The following DCHS2 variants were observed in gnomAD, a reference collection of about 807,000 sequenced individuals.
DCHS2 encodes protocadherin-23.
Under a neutral mutation model 182.4 loss-of-function variants are expected in DCHS2, and 142 were observed. The ratio of observed to expected loss-of-function variants is 0.78; its 90% CI spans 0.68 to 0.89. The LOEUF (loss-of-function observed/expected upper bound fraction) is 0.89. Ranked by LOEUF, DCHS2 falls within the 40% of genes least tolerant of loss-of-function variation. The pLI, the probability that DCHS2 is intolerant of heterozygous loss-of-function variation, is 0.00. For missense variants in DCHS2, 4,319 were observed against 4,198.6 expected, an observed-to-expected ratio of 1.03 and a Z score of -0.79; for synonymous variants, 1,740 against 1,663.3, an observed-to-expected ratio of 1.05 and a Z score of -1.12.
At chr4:154,435,659 G>A (rs1385826927) in intron 1 of DCHS2, among the ~76,000 whole-genome samples, 1 of 151,172 alleles carries the variant, frequency 6.6e-6, no homozygotes, top group Non-Finnish European at 1.5e-5. Flanking sequence ...GAATACCTCT[G>A]GCCAATAAAA....
intron 3 of DCHS2, chr4:154,343,547 T>A: frequency 6.5e-7 from 1 of 1,527,534 alleles, no homozygotes; most frequent in Non-Finnish European, 8.8e-7. Flanking sequence ...CATCTTGCAC[T>A]TTTAGGTAAT....
chr4:154,331,730 GCTT>G (rs1300924658), intron 5 of DCHS2: 1 of 1,606,260 alleles, frequency 6.2e-7, no homozygotes, highest in Non-Finnish European at 8.5e-7. Context: ...CAAAAAGGGA[GCTT>G]CTTCTCATCT....
intron 7 of DCHS2, among the ~76,000 whole-genome samples, chr4:154,326,500 GTCT>G (rs1736288747): frequency 6.6e-6 from 1 of 151,906 alleles, no homozygotes; most frequent in Non-Finnish European, 1.5e-5. Context: ...TGTTTAAACC[GTCT>G]TCTTTATTCT....
At chr4:154,324,816 A>G (rs981672179) in intron 7 of DCHS2, among the ~76,000 whole-genome samples, 1 of 152,212 alleles carries the variant, frequency 6.6e-6, no homozygotes, top group Admixed American at 6.5e-5. Context: ...TGTGATTTCT[A>G]TGCTTTAATC....
At chr4:154,302,936 T>TACAC (rs1235507702) in intron 12 of DCHS2, among the ~76,000 whole-genome samples, 2 of 35,424 alleles carry the variant, frequency 5.6e-5, no homozygotes, top group African/African-American at 1.9e-4. Context: ...GATATACGTA[T>TACAC]ACACACACAC....
intron 1 of DCHS2, among the ~76,000 whole-genome samples, chr4:154,418,422 C>T (rs757962809): frequency 2.1e-4 from 32 of 152,302 alleles, no homozygotes; most frequent in Middle Eastern, 3.4e-3. Context: ...TGCCTTTAAT[C>T]CACTCACTAA....
Position 154,490,675 on chromosome 4 carries a change from A to T in DCHS2, c.681T>A (p.Thr227=), listed in dbSNP as rs1464192584. The T allele has an allele frequency of 3.9e-6, 6 of 1,551,492 alleles. No homozygotes were observed. The highest frequency in any genetic ancestry group is 1.4e-5 in the African/African-American group (1 of 73,140). Residue 227 remains threonine, a synonymous_variant, in exon 1 of 20, where the codon ACT becomes ACA. Coordinates refer to ENST00000357232, the MANE Select transcript of DCHS2 (RefSeq NM_001358235.2). ...AAAGCGGTGACGGTAGTGGCCCCGGAGTCCGGTAGCGCAACTGGAAGAACG... is the reference window on the plus strand; with the variant it reads ...AAAGCGGTGACGGTAGTGGCCCCGGTGTCCGGTAGCGCAACTGGAAGAACG... The part of the protein sequence containing the change: ...AGPFFQLRYR[T]PGPLPSPLLP...
intron 1 of DCHS2, among the ~76,000 whole-genome samples, chr4:154,379,347 T>A (rs1331900512): frequency 3.3e-5 from 5 of 152,156 alleles, no homozygotes; most frequent in Non-Finnish European, 7.3e-5. Flanking sequence ...ACCAGTTATA[T>A]GTCCCCAGCT....
intron 1 of DCHS2, among the ~76,000 whole-genome samples, chr4:154,484,126 A>G (rs973823643): frequency 2.0e-5 from 3 of 152,016 alleles, no homozygotes; most frequent in African/African-American, 7.3e-5. Flanking sequence ...GTTATTTTTT[A>G]CTCCTTCCAC....
At chr4:154,445,199 C>T (rs958992284) in intron 1 of DCHS2, among the ~76,000 whole-genome samples, 1 of 152,178 alleles carries the variant, frequency 6.6e-6, no homozygotes, top group Non-Finnish European at 1.5e-5. Context: ...GAGATATTGG[C>T]CCACAGTGTT....
At chr4:154,288,614 A>G (rs916163523) in intron 13 of DCHS2, among the ~76,000 whole-genome samples, 5 of 152,166 alleles carry the variant, frequency 3.3e-5, no homozygotes, top group African/African-American at 1.2e-4. Flanking sequence ...TGGATGGAGA[A>G]TACACATTCT....
intron 2 of DCHS2, among the ~76,000 whole-genome samples, chr4:154,371,612 T>C (rs1730650501): frequency 6.6e-6 from 1 of 152,220 alleles, no homozygotes; most frequent in South Asian, 2.1e-4. Context: ...GATTAATTTA[T>C]AAGAAAAGAG....
intron 1 of DCHS2, among the ~76,000 whole-genome samples, chr4:154,422,571 C>G (rs1733157523): frequency 6.6e-6 from 1 of 152,214 alleles, no homozygotes; most frequent in Admixed American, 6.5e-5. Flanking sequence ...AATCCATACT[C>G]CACCCAAAAC....
At chr4:154,290,360 A>T (rs1234529482) in intron 13 of DCHS2, among the ~76,000 whole-genome samples, 1 of 152,096 alleles carries the variant, frequency 6.6e-6, no homozygotes, top group Non-Finnish European at 1.5e-5. Flanking sequence ...TAAAATGTCC[A>T]TACTATCAAA....
chr4:154,265,658 T>C (rs1266550426), intron 14 of DCHS2, among the ~76,000 whole-genome samples: 2 of 152,126 alleles, frequency 1.3e-5, no homozygotes, highest in Admixed American at 1.3e-4. Flanking sequence ...AAATTCAAGT[T>C]ACTAATTATC....
chr4:154,263,602 A>G (rs1733088473), intron 14 of DCHS2, among the ~76,000 whole-genome samples: 1 of 152,002 alleles, frequency 6.6e-6, no homozygotes, highest in African/African-American at 2.4e-5. Context: ...GAGAACCCAC[A>G]AAAGGTGAAG....
Position 154,332,729 on chromosome 4 carries a change from A to C in DCHS2, c.3479T>G (p.Val1160Gly), listed in dbSNP as rs767023019. 2 of 1,614,050 alleles carry C rather than the reference A, an allele frequency of 1.2e-6. No individual in the cohort carries two copies. The highest frequency in any genetic ancestry group is 1.7e-6 in the Non-Finnish European group (2 of 1,180,038). ...YESTQTYNFR[V>G]FAWIPEDGFL... is the part of the protein sequence containing the mutation. ...TCCGTCCTCGGGGATCCAAGCAAAC[A>C]CTCTAAAATTATATGTTTGGGTGGA... is the stretch of plus-strand genomic sequence containing the variant. Residue 1160 changes from valine (V) to glycine (G), a missense_variant, in exon 5 of 20, where the codon GTG becomes GGG. Physicochemically the swap from Val to Gly is moderately radical, Grantham distance 109 (BLOSUM62 -3). Transcript: ENST00000357232.
chr4:154,457,818 G>A (rs1734834880), intron 1 of DCHS2, among the ~76,000 whole-genome samples: 1 of 152,098 alleles, frequency 6.6e-6, no homozygotes, highest in African/African-American at 2.4e-5. Flanking sequence ...CACCTGGGGG[G>A]AGCACGAGAA....
intron 13 of DCHS2, among the ~76,000 whole-genome samples, chr4:154,293,812 G>A (rs973680106): frequency 7.9e-5 from 12 of 152,162 alleles, no homozygotes; most frequent in African/African-American, 2.7e-4. Context: ...GAAAGCACAT[G>A]AGGCTCTGTG....
Sources: gnomAD v4.1 joint callset for allele counts (sites outside exome capture counted in the v4.1 genomes callset) on GRCh38, gnomAD v4.1.1 for gene constraint, MANE v1.5 for transcripts, NCBI Gene and HGNC (gene_info 2026-07-23, HGNC 2026-07-21) for gene names.